LCOR: variants seen among roughly 807,000 people sequenced by gnomAD.
LCOR encodes ligand-dependent corepressor.
LCOR carries 14 observed loss-of-function variants against 64.4 expected under a neutral mutation model. That is an observed-to-expected ratio of 0.22 (90% CI 0.14 to 0.34). LCOR has a LOEUF of 0.34. LCOR is among the 10% of genes least tolerant of loss of function. LCOR has a pLI of 1.00. For missense variants in LCOR, 1,686 were observed against 1,765.3 expected, an observed-to-expected ratio of 0.96 and a Z score of 0.80; for synonymous variants, 643 against 642.5, an observed-to-expected ratio of 1.00 and a Z score of -0.01.
chr10:96,960,888 A>G (rs1847868798), intron 7 of LCOR: 1 of 152,110 alleles, frequency 6.6e-6, no homozygotes, highest in South Asian at 2.1e-4. Context: ...CTTGAATAGG[A>G]TTTGTGAACA....
chr10:96,938,752 C>G (rs1847396004), intron 4 of LCOR, among the ~76,000 whole-genome samples: 1 of 151,614 alleles, frequency 6.6e-6, no homozygotes, highest in Non-Finnish European at 1.5e-5. Flanking sequence ...ACAATATGAA[C>G]ATGAAAGTTT....
chr10:96,906,517 A>G (rs938299579), intron 2 of LCOR, among the ~76,000 whole-genome samples: 9 of 152,224 alleles, frequency 5.9e-5, no homozygotes, highest in African/African-American at 2.2e-4. Flanking sequence ...ATATTTTTAA[A>G]TTATTCAGTA....
chr10:96,940,460 C>T (rs1423409050), intron 4 of LCOR, among the ~76,000 whole-genome samples: 12 of 121,892 alleles, frequency 9.8e-5, no homozygotes, highest in Admixed American at 1.7e-4. Context: ...GAGGACCCTG[C>T]GGCCTTCCGC....
At chr10:96,863,090 C>T (rs1845914557) in intron 2 of LCOR, among the ~76,000 whole-genome samples, 1 of 151,560 alleles carries the variant, frequency 6.6e-6, no homozygotes, top group Admixed American at 6.6e-5. Context: ...ACCATGTTGG[C>T]CAGGCTGGTC....
At chr10:96,875,954 G>A (rs1267387019) in intron 2 of LCOR, among the ~76,000 whole-genome samples, 2 of 151,658 alleles carry the variant, frequency 1.3e-5, no homozygotes, top group African/African-American at 4.8e-5. Flanking sequence ...AGATTCTACT[G>A]GTAAAAGACC....
chr10:96,833,084 G>A, intron 1 of LCOR: 1 of 985,276 alleles, frequency 1.0e-6, no homozygotes. Context: ...AGCGGGCGGC[G>A]GTGGCCGGGG....
Position 96,982,766 on chromosome 10 carries a change from G to A in LCOR, c.2306G>A (p.Gly769Asp), listed in dbSNP as rs748084673. The A allele has an allele frequency of 1.3e-5, 21 of 1,614,154 alleles. No homozygotes were observed. The highest frequency in any genetic ancestry group is 1.8e-5 in the Non-Finnish European group (21 of 1,180,028). The change falls in exon 8 of 8, where the codon GGT (glycine) becomes GAT (aspartate). Residue 769 changes from glycine (G) to aspartate (D), a missense_variant. By Grantham distance (94) the Gly-to-Asp change is moderately conservative. Coordinates refer to ENST00000421806, the MANE Select transcript of LCOR (RefSeq NM_001346516.2). ...SETEESEAAG[G>D]IGKLEGEDGD... ...ACTGAGGAAAGTGAGGCAGCAGGTG[G>A]TATAGGAAAATTAGAGGGAGAGGAC... is the stretch of plus-strand genomic sequence containing the variant.
chr10:96,940,295 T>G (rs1375053113), intron 4 of LCOR, among the ~76,000 whole-genome samples: 2 of 135,922 alleles, frequency 1.5e-5, no homozygotes, highest in Admixed American at 7.7e-5. Flanking sequence ...ATAATAAAGG[T>G]GGTCATGATT....
chr10:96,872,432 C>T (rs1846087369), intron 2 of LCOR, among the ~76,000 whole-genome samples: 1 of 152,212 alleles, frequency 6.6e-6, no homozygotes, highest in Non-Finnish European at 1.5e-5. Flanking sequence ...GTGGCTCACA[C>T]CTGTAGTCCT....
intron 4 of LCOR, among the ~76,000 whole-genome samples, chr10:96,911,640 T>G (rs1283948825): frequency 6.6e-6 from 1 of 152,116 alleles, no homozygotes; most frequent in Non-Finnish European, 1.5e-5. Flanking sequence ...AGTTGGAAAT[T>G]TCTCAGTTGG....
chr10:96,873,219 G>A (rs966291269), intron 2 of LCOR, among the ~76,000 whole-genome samples: 1 of 152,168 alleles, frequency 6.6e-6, no homozygotes, highest in South Asian at 2.1e-4. Flanking sequence ...TGAAGTAAAT[G>A]TTAATTCACA....
chr10:96,913,083 A>T (rs1428014585), intron 4 of LCOR, among the ~76,000 whole-genome samples: 1 of 149,090 alleles, frequency 6.7e-6, no homozygotes, highest in Non-Finnish European at 1.5e-5. Flanking sequence ...ACTTTTTGGC[A>T]TTAAAAGATG....
At position 96,874,281 on chromosome 10, in the gene LCOR, C is replaced by T. The variant is rs551880740; in HGVS notation, c.-329-32984C>T. Among the ~76,000 whole-genome samples the T allele has an allele frequency of 3.9e-5, 6 of 152,212 alleles. No individual in the cohort carries two copies. The East Asian group carries it at 5.8e-4, about 15-fold the overall frequency. On this transcript the variant is annotated intron_variant, in intron 2 of 7. Transcript: ENST00000421806. ...TCATTAAAGATTCTTCTGATTCTTG[C>T]GTAACTGTATTCCATCCAATCTTTG... is the stretch of plus-strand genomic sequence containing the variant.
Position 96,983,626 on chromosome 10 carries a change from A to G in LCOR, c.3166A>G (p.Lys1056Glu), listed in dbSNP as rs760619357. Residue 1056 changes from lysine (K) to glutamate (E), a missense_variant, in exon 8 of 8, where the codon AAA becomes GAA. Transcript: ENST00000421806. The surrounding 1 kb of genome is among the most constrained non-coding windows in gnomAD (Gnocchi z 4.5). ...TTCTCTGGGCTCCTTGGATGCTTCA[A>G]AAGTGACTTCAGAAAAGGAAGCTGC... Reference protein sequence around the residue: ...AHSLGSLDASKVTSEKEAAQV... With the variant: ...AHSLGSLDASEVTSEKEAAQV... 17 of 1,614,178 alleles carry G rather than the reference A, an allele frequency of 1.1e-5. No homozygotes were observed. The highest frequency in any genetic ancestry group is 2.2e-5 in the East Asian group (1 of 44,878).
At chr10:96,838,490 A>G (rs539620999) in intron 2 of LCOR, among the ~76,000 whole-genome samples, 43 of 152,196 alleles carry the variant, frequency 2.8e-4, no homozygotes, top group Non-Finnish European at 5.1e-4. Flanking sequence ...CGTTCTTCCT[A>G]TGATCCAGCT....
At chr10:96,856,301 A>G (rs1314860169) in intron 2 of LCOR, among the ~76,000 whole-genome samples, 3 of 152,024 alleles carry the variant, frequency 2.0e-5, no homozygotes, top group African/African-American at 7.2e-5. Context: ...TGACCTTGTG[A>G]TCCGCCCACT....
intron 7 of LCOR, among the ~76,000 whole-genome samples, chr10:96,970,579 A>C (rs1339214361): frequency 1.3e-5 from 2 of 150,548 alleles, no homozygotes; most frequent in South Asian, 4.2e-4. Flanking sequence ...CTATTAATGG[A>C]TTGTAAGATC....
chr10:96,835,377 A>G (rs970836140), intron 2 of LCOR, among the ~76,000 whole-genome samples: 16 of 152,256 alleles, frequency 1.1e-4, no homozygotes, highest in African/African-American at 3.9e-4. Flanking sequence ...AGAAGATTAT[A>G]GAGTCCAGAG....
At chr10:96,962,780 A>G (rs1847901138) in intron 7 of LCOR, 1 of 152,174 alleles carries the variant, frequency 6.6e-6, no homozygotes, top group Non-Finnish European at 1.5e-5. Context: ...AAATGTATAA[A>G]CTATACATTT....
Sources: gnomAD v4.1 joint callset for allele counts (sites outside exome capture counted in the v4.1 genomes callset) on GRCh38, gnomAD v4.1.1 for gene constraint, Gnocchi (gnomAD v3.1) non-coding constraint, MANE v1.5 for transcripts, NCBI Gene and HGNC (gene_info 2026-07-23, HGNC 2026-07-21) for gene names.